C20orf203: variants seen among roughly 807,000 people sequenced by gnomAD.
C20orf203 encodes uncharacterized protein C20orf203.
C20orf203 carries 16 observed loss-of-function variants against 15.9 expected under a neutral mutation model. The observed-to-expected ratio is 1.01, with a 90% CI of 0.68 to 1.53. The LOEUF (loss-of-function observed/expected upper bound fraction) is 1.53, where lower values mean the gene tolerates loss of function less well. C20orf203 is among the 40% of genes most tolerant of loss of function. The pLI, the probability that C20orf203 is intolerant of heterozygous loss-of-function variation, is 0.00. For missense variants in C20orf203, 263 were observed against 247.5 expected, an observed-to-expected ratio of 1.06 and a Z score of -0.42; for synonymous variants, 98 against 97.2, an observed-to-expected ratio of 1.01 and a Z score of -0.05.
intron 3 of C20orf203, 49 bp downstream of exon 3, chr20:32,650,969 A>G: frequency 2.1e-6 from 3 of 1,444,334 alleles, no homozygotes; most frequent in South Asian, 1.5e-5. Flanking sequence ...ATTTCCCAAC[A>G]GTCCCCAGTG....
At position 32,643,625 on chromosome 20, in the gene C20orf203, C is replaced by CCG. The variant is rs1491554335; in HGVS notation, c.*1178-2939_*1178-2938insCG. On this transcript the variant is annotated intron_variant, in intron 4 of 5. Transcript: ENST00000608990. ...GTGTAGACCCAGCCGCTTCCTGGAA[C>CCG]CACACACACACACACACACACACAC... 5.0e-5 allele frequency among the ~76,000 whole-genome samples: 7 copies of CCG among 140,742 alleles called. No homozygotes were observed. The Admixed American group carries it at 5.1e-4, about 10-fold the overall frequency. 92.3% of individuals were successfully genotyped at this position (140,742 alleles called of 152,430 possible). A position where few individuals can be genotyped will look rare whatever the true frequency, so the allele number is the denominator to read the frequency against.
At chr20:32,668,857 T>C (rs1209891176) in intron 1 of C20orf203, among the ~76,000 whole-genome samples, 4 of 152,066 alleles carry the variant, frequency 2.6e-5, no homozygotes, top group Non-Finnish European at 5.9e-5. Context: ...ATTCTGGCTC[T>C]TACTCAGAGC....
intron 1 of C20orf203, among the ~76,000 whole-genome samples, chr20:32,665,011 T>C (rs1982985470): frequency 1.3e-5 from 2 of 152,230 alleles, no homozygotes; most frequent in African/African-American, 2.4e-5. Context: ...CACTAGTGTT[T>C]ACCCAGGACC....
chr20:32,650,684 C>T lies in C20orf203; in HGVS notation c.333G>A (p.Arg111=). Residue 111 remains arginine (R), a synonymous_variant, in exon 4 of 6, where the codon AGG becomes AGA. Coordinates refer to ENST00000608990, the MANE Select transcript of C20orf203 (RefSeq NM_182584.4). Reference sequence around the variant, plus strand: ...TATCTCTCCGACCCACCTTGCTGAGCCTGAGGCCTCCAACTTCCCCCCACC... The same window carrying T: ...TATCTCTCCGACCCACCTTGCTGAGTCTGAGGCCTCCAACTTCCCCCCACC... The part of the protein sequence containing the change: ...GEGWGEVGGL[R]LSKVGRRDRE... 3 of 1,549,136 alleles carry T rather than the reference C, an allele frequency of 1.9e-6. No individual in the cohort carries two copies. Among genetic ancestry groups the T allele is most frequent in the Non-Finnish European group, 2.6e-6 (3 of 1,146,328 alleles).
At chr20:32,655,294 A>T (rs544693655) in intron 1 of C20orf203, among the ~76,000 whole-genome samples, 1 of 152,312 alleles carries the variant, frequency 6.6e-6, no homozygotes, top group Non-Finnish European at 1.5e-5. Flanking sequence ...ATTTTGCATC[A>T]GGCATGGTGG....
intron 5 of C20orf203, among the ~76,000 whole-genome samples, chr20:32,634,555 T>C (rs1238792578): frequency 6.6e-6 from 1 of 152,008 alleles, no homozygotes; most frequent in Non-Finnish European, 1.5e-5. Flanking sequence ...AATGTGGACA[T>C]GAAGTTACGC....
intron 1 of C20orf203, among the ~76,000 whole-genome samples, chr20:32,660,678 CGTGT>C (rs1457803534): frequency 5.3e-5 from 8 of 152,104 alleles, no homozygotes; most frequent in African/African-American, 1.9e-4. Flanking sequence ...CCACCAAGAA[CGTGT>C]GTGTATTAGT....
chr20:32,650,826 GC>G lies in C20orf203; in HGVS notation c.190del (p.Ala64ArgfsTer115). 6.8e-7 allele frequency: 1 copy of G among 1,472,580 alleles called. No individual in the cohort carries two copies. Among genetic ancestry groups the G allele is most frequent in the Admixed American group, 2.4e-5 (1 of 40,972 alleles). 91.2% of individuals were successfully genotyped at this position (1,472,580 alleles called of 1,614,324 possible). On this transcript the variant is annotated frameshift_variant, in exon 4 of 6. Transcript: ENST00000608990. LOFTEE classifies it high-confidence loss of function. ...TAHLWDLGGGAGRRTSKAQRV... is the reference protein window; with the variant it reads ...TAHLWDLGGGXGRRTSKAQRV... ...CTGAGCCTTTGAGGTCCTCCTTCCC[GC>G]CCCACCGCCAAGGTCCCAGAGGTGG...
chr20:32,646,201 A>C (rs1982427040), intron 4 of C20orf203, among the ~76,000 whole-genome samples: 1 of 133,802 alleles, frequency 7.5e-6, no homozygotes, highest in Non-Finnish European at 1.6e-5. Context: ...TTTTTTTGAG[A>C]CAAAGTCTCG....
intron 1 of C20orf203, among the ~76,000 whole-genome samples, chr20:32,670,443 G>A (rs1476206836): frequency 6.6e-6 from 1 of 151,814 alleles, no homozygotes. Flanking sequence ...GGAGGTGGAG[G>A]TTGCAGTGAG....
chr20:32,651,027 C>A lies in C20orf203; in HGVS notation c.126G>T (p.Met42Ile), dbSNP rs1211110931. The A allele has an allele frequency of 1.3e-6, 2 of 1,500,170 alleles. No homozygotes were observed. Among genetic ancestry groups the A allele is most frequent in the East Asian group, 2.5e-5 (1 of 40,066 alleles). 92.9% of individuals were successfully genotyped at this position (1,500,170 alleles called of 1,614,324 possible). The change falls in exon 3 of 6, where the codon ATG becomes ATT. Residue 42 changes from methionine (M) to isoleucine (I), a missense_variant. Physicochemically the swap from Met to Ile is conservative, Grantham distance 10. Transcript: ENST00000608990. ...LASFPFTKTG[M>I]LSRATSVLAG... Reference sequence around the variant, plus strand: ...GGACAGCACTTCTTACCCGGCTCAGCATTCCAGTTTTTGTAAAGGGAAAAC... The same window carrying A: ...GGACAGCACTTCTTACCCGGCTCAGAATTCCAGTTTTTGTAAAGGGAAAAC...
intron 5 of C20orf203, among the ~76,000 whole-genome samples, chr20:32,639,062 C>G (rs1982209961): frequency 6.6e-6 from 1 of 152,252 alleles, no homozygotes; most frequent in Non-Finnish European, 1.5e-5. Flanking sequence ...AACTATCTGG[C>G]TCCAGAGCCT....
At chr20:32,669,011 A>T (rs1031481665) in intron 1 of C20orf203, among the ~76,000 whole-genome samples, 3 of 152,218 alleles carry the variant, frequency 2.0e-5, no homozygotes, top group Non-Finnish European at 4.4e-5. Context: ...TTTCCAGTTC[A>T]GAAGGAAAAG....
At chr20:32,637,056 A>G (rs895207246) in intron 5 of C20orf203, among the ~76,000 whole-genome samples, 1 of 152,220 alleles carries the variant, frequency 6.6e-6, no homozygotes, top group Non-Finnish European at 1.5e-5. Context: ...GCCAGGCCAC[A>G]GAAGAGGCCC....
chr20:32,670,659 C>G (rs1015615855), intron 1 of C20orf203, among the ~76,000 whole-genome samples: 12 of 151,924 alleles, frequency 7.9e-5, no homozygotes, highest in Non-Finnish European at 1.5e-5. Flanking sequence ...TAGTGAAACC[C>G]TCTCTCTACT....
intron 4 of C20orf203, among the ~76,000 whole-genome samples, chr20:32,642,401 C>A (rs567281083): frequency 1.8e-4 from 27 of 152,216 alleles, no homozygotes; most frequent in Admixed American, 6.5e-4. Flanking sequence ...TCTCTAGGAA[C>A]GAGTAAGCCA....
At position 32,669,505 on chromosome 20, in the gene C20orf203, C is replaced by T. The variant is rs760551255; in HGVS notation, c.-264+4127G>A. 6.4e-4 allele frequency among the ~76,000 whole-genome samples: 97 copies of T among 152,162 alleles called. 1 individual carries two copies. Among genetic ancestry groups the T allele is most frequent in the Non-Finnish European group, 2.1e-4 (14 of 68,024 alleles). ...TCCATTTCACAGACCAGTAACATTT[C>T]CAAAGAAACTCTGGGGAACCTGCAA... On this transcript the variant is annotated intron_variant, in intron 1 of 5. Coordinates refer to ENST00000608990, the MANE Select transcript of C20orf203 (RefSeq NM_182584.4).
intron 1 of C20orf203, among the ~76,000 whole-genome samples, chr20:32,661,273 A>G (rs534408736): frequency 6.6e-6 from 1 of 152,314 alleles, no homozygotes; most frequent in Admixed American, 6.5e-5. Flanking sequence ...TCAGAGGTGA[A>G]CCAGGCTCAT....
intron 1 of C20orf203, among the ~76,000 whole-genome samples, chr20:32,660,836 T>G (rs576532561): frequency 6.6e-6 from 1 of 152,116 alleles, no homozygotes; most frequent in Non-Finnish European, 1.5e-5. Context: ...CATGTCCTTC[T>G]TCACACGGCG....
Sources: gnomAD v4.1 joint callset for allele counts (sites outside exome capture counted in the v4.1 genomes callset) on GRCh38, gnomAD v4.1.1 for gene constraint, MANE v1.5 for transcripts, NCBI Gene and HGNC (gene_info 2026-07-23, HGNC 2026-07-21) for gene names.